The following ARFIP1 variants were observed in gnomAD, a reference collection of about 807,000 sequenced individuals.
ARFIP1 encodes the protein ARF interacting protein 1.
A neutral mutation model predicts 42.5 loss-of-function variants in ARFIP1; 24 were observed. The ratio of observed to expected loss-of-function variants is 0.57; its 90% CI spans 0.41 to 0.80. The LOEUF (loss-of-function observed/expected upper bound fraction) is 0.80. Ranked by LOEUF, ARFIP1 falls within the 30% of genes least tolerant of loss-of-function variation. ARFIP1 has a pLI of 0.00. For missense variants in ARFIP1, 354 were observed against 434.0 expected, an observed-to-expected ratio of 0.82 and a Z score of 1.64; for synonymous variants, 141 against 153.7, an observed-to-expected ratio of 0.92 and a Z score of 0.61.
chr4:152,895,444 T>A (rs998299284), intron 8 of ARFIP1, among the ~76,000 whole-genome samples: 14 of 151,614 alleles, frequency 9.2e-5, no homozygotes, highest in African/African-American at 3.4e-4. Context: ...TGGAGTGCAG[T>A]GGTGCAGTCA....
intron 1 of ARFIP1, among the ~76,000 whole-genome samples, chr4:152,824,100 G>A (rs373795528): frequency 6.6e-6 from 1 of 152,096 alleles, no homozygotes; most frequent in African/African-American, 2.4e-5. Flanking sequence ...ATCACTTGAG[G>A]CCAGGAGTTC....
intron 8 of ARFIP1, among the ~76,000 whole-genome samples, chr4:152,898,081 T>G (rs1232457343): frequency 6.6e-6 from 1 of 151,100 alleles, no homozygotes; most frequent in Non-Finnish European, 1.5e-5. Context: ...CCTCCCGGGT[T>G]CAAGCAATTC....
intron 2 of ARFIP1, among the ~76,000 whole-genome samples, chr4:152,840,723 T>TC (rs890977035): frequency 6.7e-6 from 1 of 148,670 alleles, no homozygotes; most frequent in Admixed American, 6.7e-5. Flanking sequence ...CTTTTTTTTT[T>TC]TTTTTTTTTT....
At chr4:152,834,508 T>TAAGG (rs1339190365) in intron 2 of ARFIP1, among the ~76,000 whole-genome samples, 104 of 152,336 alleles carry the variant, frequency 6.8e-4, no homozygotes, top group African/African-American at 2.4e-3. Flanking sequence ...AGGGAGAATT[T>TAAGG]GGCCAAAAGA....
intron 1 of ARFIP1, among the ~76,000 whole-genome samples, chr4:152,828,994 G>C (rs1253340209): frequency 1.3e-5 from 2 of 152,158 alleles, no homozygotes; most frequent in African/African-American, 4.8e-5. Context: ...TTTCACCTTT[G>C]CATTGCCTTT....
intron 1 of ARFIP1, among the ~76,000 whole-genome samples, chr4:152,809,008 C>T (rs1285505221): frequency 6.6e-6 from 1 of 152,028 alleles, no homozygotes; most frequent in Non-Finnish European, 1.5e-5. Flanking sequence ...GCAAAGATTG[C>T]ACCACTGCAT....
At chr4:152,878,174 C>T (rs1158672944) in intron 5 of ARFIP1, among the ~76,000 whole-genome samples, 1 of 152,182 alleles carries the variant, frequency 6.6e-6, no homozygotes, top group African/African-American at 2.4e-5. Flanking sequence ...TTGAATTTAG[C>T]ATCATTTGTC....
intron 5 of ARFIP1, among the ~76,000 whole-genome samples, chr4:152,876,295 C>T (rs144026095): frequency 0.014 from 2,131 of 152,206 alleles, 48 homozygotes; most frequent in African/African-American, 0.047. Context: ...ATGCTAATAG[C>T]GATATGGACA....
chr4:152,800,630 ATTC>A (rs1451430762), intron 1 of ARFIP1, among the ~76,000 whole-genome samples: 3 of 152,196 alleles, frequency 2.0e-5, no homozygotes, highest in Admixed American at 2.0e-4. Context: ...TGTAGTCTTA[ATTC>A]TTCTGTCTGT....
intron 1 of ARFIP1, chr4:152,796,682 G>A: frequency 1.1e-6 from 1 of 883,920 alleles, no homozygotes; most frequent in South Asian, 1.4e-5. Context: ...GCATGGCGCT[G>A]TTTATGATTA....
At chr4:152,867,488 A>AAGAGAG (rs915549054) in intron 3 of ARFIP1, among the ~76,000 whole-genome samples, 1 of 151,994 alleles carries the variant, frequency 6.6e-6, no homozygotes, top group African/African-American at 2.4e-5. Context: ...AGACCGTGGA[A>AAGAGAG]AGAGAGGGAG....
chr4:152,866,680 G>T (rs1734399479), intron 3 of ARFIP1, among the ~76,000 whole-genome samples: 1 of 151,602 alleles, frequency 6.6e-6, no homozygotes, highest in Non-Finnish European at 1.5e-5. Flanking sequence ...GCCAGGCGGA[G>T]ACGCTCCTCA....
intron 8 of ARFIP1, among the ~76,000 whole-genome samples, chr4:152,896,870 C>T (rs1030062133): frequency 7.9e-5 from 12 of 151,912 alleles, no homozygotes; most frequent in African/African-American, 2.9e-4. Flanking sequence ...CCTCTTAGCT[C>T]AAAATTAGAT....
intron 1 of ARFIP1, among the ~76,000 whole-genome samples, chr4:152,791,337 A>G (rs900122471): frequency 6.6e-6 from 1 of 152,222 alleles, no homozygotes; most frequent in Admixed American, 6.5e-5. Flanking sequence ...AATCATTTTA[A>G]ATTGTTTTGA....
intron 3 of ARFIP1, 56 bp downstream of exon 3, chr4:152,863,770 C>T: frequency 9.3e-7 from 1 of 1,080,356 alleles, no homozygotes; most frequent in Non-Finnish European, 1.4e-6. Context: ...AGAAGTTCAC[C>T]AAATGCTACC....
chr4:152,847,145 T>TTTTGTTTTTTTTTG (rs1732616961), intron 2 of ARFIP1, among the ~76,000 whole-genome samples: 1 of 136,518 alleles, frequency 7.3e-6, no homozygotes, highest in Non-Finnish European at 1.6e-5. Flanking sequence ...TTTTTTTTTT[T>TTTTGTTTTTTTTTG]TTTGAGACAG....
intron 8 of ARFIP1, among the ~76,000 whole-genome samples, chr4:152,903,322 C>T (rs1445149196): frequency 6.6e-6 from 1 of 152,100 alleles, no homozygotes; most frequent in Non-Finnish European, 1.5e-5. Context: ...AGATACACTA[C>T]CAAAGTTAAG....
chr4:152,881,853 AT>A (rs1237451436), intron 6 of ARFIP1, among the ~76,000 whole-genome samples: 1 of 152,218 alleles, frequency 6.6e-6, no homozygotes, highest in Non-Finnish European at 1.5e-5. Context: ...AATTACAGCT[AT>A]TGCAATAGCA....
At chr4:152,805,881 T>C (rs1728957470) in intron 1 of ARFIP1, among the ~76,000 whole-genome samples, 3 of 152,234 alleles carry the variant, frequency 2.0e-5, no homozygotes, top group Admixed American at 1.3e-4. Context: ...AGATATTTGC[T>C]TGAATGTCTG....
Sources: allele counts gnomAD v4.1 joint callset (sites outside exome capture counted in the v4.1 genomes callset), GRCh38; gene constraint gnomAD v4.1.1; transcripts MANE v1.5; gene names NCBI Gene and HGNC (gene_info 2026-07-23, HGNC 2026-07-21).